The following EIF2AK2 variants were observed in gnomAD, a reference collection of about 807,000 sequenced individuals.
EIF2AK2 encodes the protein interferon-induced, double-stranded RNA-activated protein kinase.
A neutral mutation model predicts 70.5 loss-of-function variants in EIF2AK2; 40 were observed. That is an observed-to-expected ratio of 0.57 (90% confidence interval 0.44 to 0.74). The LOEUF is 0.74. EIF2AK2 is among the 30% of genes least tolerant of loss of function. The probability of loss-of-function intolerance (pLI) is 0.00; values close to 1 mark genes in which losing one functional copy is unlikely to be tolerated. For synonymous variants in EIF2AK2, 198 were observed against 220.9 expected (o/e 0.90, Z 0.92); for missense variants, 555 against 644.3 (o/e 0.86, Z 1.50).
At position 37,100,004 on chromosome 2, in the gene EIF2AK2, C is replaced by A. The variant is rs145323770; in HGVS notation, c.*7269G>T. The A allele has an allele frequency of 4.6e-5, 7 of 152,060 alleles. No homozygotes were observed. The highest frequency in any genetic ancestry group is 1.7e-4 in the African/African-American group (7 of 41,372). The allele number at this position is 152,060 out of a possible 1,614,324, so 9.4% of individuals were successfully genotyped here. A position where few individuals can be genotyped will look rare whatever the true frequency, so the allele number is the denominator to read the frequency against. On this transcript the variant is annotated 3_prime_UTR_variant, in exon 17 of 17. Coordinates refer to ENST00000233057, the MANE Select transcript of EIF2AK2 (RefSeq NM_001135651.3). ...TGTGAGAAAACAGAGTGAATACTAACGGGCATAGGGTTTCTTTTGGGGGTG... is the reference window on the plus strand; with the variant it reads ...TGTGAGAAAACAGAGTGAATACTAAAGGGCATAGGGTTTCTTTTGGGGGTG...
intron 7 of EIF2AK2, 43 bp from the exon 8 acceptor site, chr2:37,138,406 T>G (rs1350864283): frequency 6.2e-7 from 1 of 1,600,476 alleles, no homozygotes. Flanking sequence ...AATTCTGTTT[T>G]TATCACTTAT....
intron 13 of EIF2AK2, among the ~76,000 whole-genome samples, chr2:37,116,026 A>C (rs1036650287): frequency 2.0e-5 from 3 of 151,900 alleles, no homozygotes; most frequent in African/African-American, 7.3e-5. Flanking sequence ...CCTCCCGAGG[A>C]GCTGGGATTA....
intron 4 of EIF2AK2, among the ~76,000 whole-genome samples, chr2:37,143,058 C>T (rs1675390881): frequency 6.6e-6 from 1 of 152,038 alleles, no homozygotes; most frequent in South Asian, 2.1e-4. Flanking sequence ...GAAACCCTGT[C>T]TCTACTAAAA....
intron 11 of EIF2AK2, among the ~76,000 whole-genome samples, chr2:37,124,173 G>T (rs1674652477): frequency 6.6e-6 from 1 of 152,084 alleles, no homozygotes; most frequent in East Asian, 1.9e-4. Flanking sequence ...TCTCCATGTT[G>T]CCCAGGTTGG....
chr2:37,140,075 G>A (rs1209902875), intron 5 of EIF2AK2, among the ~76,000 whole-genome samples: 14 of 151,940 alleles, frequency 9.2e-5, no homozygotes, highest in African/African-American at 3.4e-4. Context: ...CAAAAGATAC[G>A]GAGGTAGAAA....
At chr2:37,112,136 A>G (rs1335702931) in intron 14 of EIF2AK2, among the ~76,000 whole-genome samples, 2 of 151,672 alleles carry the variant, frequency 1.3e-5, no homozygotes, top group Non-Finnish European at 1.5e-5. Flanking sequence ...GAACATGTAA[A>G]AGCCATCACA....
At chr2:37,120,833 C>T (rs890297108) in intron 12 of EIF2AK2, among the ~76,000 whole-genome samples, 1 of 147,728 alleles carries the variant, frequency 6.8e-6, no homozygotes, top group Non-Finnish European at 1.5e-5. Flanking sequence ...TGTGGTGGCG[C>T]GGCACCTGTA....
chr2:37,114,435 A>G (rs992157548), intron 14 of EIF2AK2, among the ~76,000 whole-genome samples: 5 of 152,216 alleles, frequency 3.3e-5, no homozygotes, highest in Non-Finnish European at 7.3e-5. Flanking sequence ...ATATGGAGAA[A>G]TTATGCTATA....
chr2:37,154,521 C>T (rs1035353417), intron 1 of EIF2AK2, among the ~76,000 whole-genome samples: 2 of 152,016 alleles, frequency 1.3e-5, no homozygotes, highest in Admixed American at 6.5e-5. Flanking sequence ...CTTCGCCCTC[C>T]TCTCCCTGTC....
At position 37,153,337 on chromosome 2, in the gene EIF2AK2, C is replaced by CTCTTTTTTTTTTTTTTT. The variant is rs777537067; in HGVS notation, c.-184+3570_-184+3571insAAAAAAAAAAAAAAAGA. Among the ~76,000 whole-genome samples the CTCTTTTTTTTTTTTTTT allele has an allele frequency of 4.5e-5, 5 of 109,892 alleles. 1 individual carries two copies. Among genetic ancestry groups the CTCTTTTTTTTTTTTTTT allele is most frequent in the Admixed American group, 2.0e-4 (2 of 9,878 alleles). 72.1% of individuals were successfully genotyped at this position (109,892 alleles called of 152,430 possible). ...CCCAGTCCTTTCAGTCTCTGCTAAT[C>CTCTTTTTTTTTTTTTTT]TTTTTTTTTTTTTTTTTTTTTGAGA... On this transcript the variant is annotated intron_variant, in intron 1 of 16. Coordinates refer to ENST00000233057, the MANE Select transcript of EIF2AK2 (RefSeq NM_001135651.3).
chr2:37,114,829 G>T lies in EIF2AK2; in HGVS notation c.1279C>A (p.Gln427Lys). Residue 427 changes from glutamine to lysine, a missense_variant, in exon 14 of 17, where the codon CAA (glutamine) becomes AAA (lysine). By Grantham distance (53) the Gln-to-Lys change is moderately conservative. This residue lies in a region of EIF2AK2 where 299 missense variants were observed against 375.4 expected (regional missense o/e 0.80). Coordinates refer to ENST00000233057, the MANE Select transcript of EIF2AK2 (RefSeq NM_001135651.3). ...AGTCCAAAGTCTCCAATCTTTACTT[G>T]TTTTGTATCTACTAAGAATATATTA... ...PSNIFLVDTK[Q>K]VKIGDFGLVT... 6.3e-7 allele frequency: 1 copy of T among 1,589,460 alleles called. No individual in the cohort carries two copies. The highest frequency in any genetic ancestry group is 1.2e-5 in the South Asian group (1 of 86,788).
intron 1 of EIF2AK2, among the ~76,000 whole-genome samples, chr2:37,152,575 C>T (rs890676849): frequency 6.6e-6 from 1 of 152,234 alleles, no homozygotes; most frequent in Non-Finnish European, 1.5e-5. Context: ...GCCACCACGC[C>T]TGGCCGGGCC....
chr2:37,109,608 C>T (rs570420728), intron 14 of EIF2AK2: 10 of 242,396 alleles, frequency 4.1e-5, no homozygotes, highest in African/African-American at 1.3e-4. Flanking sequence ...ACCCAGTAGG[C>T]GGCTTGCATT....
chr2:37,151,728 T>C (rs146138970), intron 1 of EIF2AK2, among the ~76,000 whole-genome samples: 1 of 151,286 alleles, frequency 6.6e-6, no homozygotes, highest in African/African-American at 2.4e-5. Context: ...ATGTGAAATA[T>C]ATCTACACAG....
chr2:37,114,966 T>C, intron 13 of EIF2AK2, 107 bp from the exon 14 acceptor site: 1 of 753,148 alleles, frequency 1.3e-6, no homozygotes, highest in South Asian at 3.8e-5. Flanking sequence ...ATAAGACCTT[T>C]ACCCTTACAC....
Position 37,114,859 on chromosome 2 carries a change from G to C in EIF2AK2, c.1249C>G (p.Pro417Ala). ...GTATCTACTAAGAATATATTACTTG[G>C]CTATGAAAAAAAAAAATTTAACTTA... ...SKKLIHRDLK[P>A]SNIFLVDTKQ... Residue 417 changes from proline (P) to alanine (A), a missense_variant and splice_region_variant, in exon 14 of 17, where the codon CCA (proline) becomes GCA (alanine). Transcript: ENST00000233057. 6.5e-7 allele frequency: 1 copy of C among 1,544,462 alleles called. No homozygotes were observed. Among genetic ancestry groups the C allele is most frequent in the Non-Finnish European group, 8.7e-7 (1 of 1,148,812 alleles).
intron 6 of EIF2AK2, among the ~76,000 whole-genome samples, chr2:37,139,266 G>C (rs910428131): frequency 1.3e-5 from 2 of 148,354 alleles, no homozygotes; most frequent in African/African-American, 5.0e-5. Context: ...AGTGAGCCGA[G>C]ATCGTGCCAC....
chr2:37,149,120 T>C, intron 1 of EIF2AK2, 97 bp from the exon 2 acceptor site: 5 of 894,962 alleles, frequency 5.6e-6, no homozygotes, highest in Non-Finnish European at 9.5e-6. Context: ...ATAGCCAGGG[T>C]CTCCTGATTT....
At chr2:37,143,951 T>C (rs1675433590) in intron 4 of EIF2AK2, among the ~76,000 whole-genome samples, 1 of 152,164 alleles carries the variant, frequency 6.6e-6, no homozygotes, top group South Asian at 2.1e-4. Context: ...AGAGATATTA[T>C]AAGTAATCTA....
Sources: allele counts gnomAD v4.1 joint callset (sites outside exome capture counted in the v4.1 genomes callset), GRCh38; gene constraint gnomAD v4.1.1; regional missense constraint gnomAD v4.1.1; transcripts MANE v1.5; gene names NCBI Gene and HGNC (gene_info 2026-07-23, HGNC 2026-07-21).